The following NCKAP5 variants were observed in gnomAD, a reference collection of about 807,000 sequenced individuals.
NCKAP5 encodes nck-associated protein 5.
A neutral mutation model predicts 167.0 loss-of-function variants in NCKAP5; 92 were observed. The observed-to-expected ratio is 0.55, with a 90% CI of 0.47 to 0.66. The LOEUF (loss-of-function observed/expected upper bound fraction) is 0.66. Among genes scored for constraint, NCKAP5 ranks in the 30% least tolerant of loss-of-function variants. NCKAP5 has a pLI of 0.00. For missense variants in NCKAP5, 2,378 were observed against 2,315.0 expected (o/e 1.03, Z -0.56); for synonymous variants, 891 against 877.4 (o/e 1.02, Z -0.27).
intron 19 of NCKAP5, among the ~76,000 whole-genome samples, chr2:132,692,941 C>T (rs1358029008): frequency 6.6e-6 from 1 of 152,176 alleles, no homozygotes; most frequent in East Asian, 1.9e-4. Context: ...CAGACTGTGT[C>T]TATAGCCCTT....
chr2:133,587,494 T>C, the NCKAP5 span, among the ~76,000 whole-genome samples: 2 of 152,202 alleles, frequency 1.3e-5, no homozygotes, highest in East Asian at 1.9e-4. Flanking sequence ...GGGAAAAGCA[T>C]TGATGCAGAT....
At chr2:133,090,202 A>G (rs2081125371) in intron 6 of NCKAP5, among the ~76,000 whole-genome samples, 1 of 141,384 alleles carries the variant, frequency 7.1e-6, no homozygotes, top group African/African-American at 2.7e-5. Flanking sequence ...CCTTGTCCAT[A>G]CAAGAAAATT....
At chr2:132,741,406 C>T (rs757207094) in intron 16 of NCKAP5, among the ~76,000 whole-genome samples, 18 of 152,070 alleles carry the variant, frequency 1.2e-4, no homozygotes, top group Non-Finnish European at 1.8e-4. Context: ...TACTGTGATA[C>T]GTAAGAGTGG....
rs192182294 is a variant in NCKAP5, at chr2:132,990,194, A to G, written c.429+3958T>C. 5.9e-5 allele frequency among the ~76,000 whole-genome samples: 9 copies of G among 152,330 alleles called. No homozygotes were observed. The East Asian group carries it at 1.7e-3, about 29-fold the overall frequency. On this transcript the variant is annotated intron_variant, in intron 7 of 19. Transcript: ENST00000409261. ...TATTAAAAATAAGCCTGAGTTAGGAAGCAGAGTCTCCAAGGAGAACAGTGG... is the reference window on the plus strand; with the variant it reads ...TATTAAAAATAAGCCTGAGTTAGGAGGCAGAGTCTCCAAGGAGAACAGTGG...
At chr2:133,257,638 G>A (rs80226737) in intron 4 of NCKAP5, among the ~76,000 whole-genome samples, 3,888 of 152,168 alleles carry the variant, frequency 0.026, 144 homozygotes, top group African/African-American at 0.084. Flanking sequence ...TCATTATTCC[G>A]TGTAATCTCA....
At chr2:133,101,237 G>C (rs1202719532) in intron 6 of NCKAP5, among the ~76,000 whole-genome samples, 1 of 142,630 alleles carries the variant, frequency 7.0e-6, no homozygotes, top group South Asian at 2.3e-4. Flanking sequence ...ATTTCTGAGG[G>C]CTCTGTTCTG....
intron 11 of NCKAP5, among the ~76,000 whole-genome samples, chr2:132,817,149 C>T (rs1156922886): frequency 1.3e-5 from 2 of 152,196 alleles, no homozygotes; most frequent in Non-Finnish European, 1.5e-5. Flanking sequence ...TGCTGCTGGT[C>T]CACTGAGTGA....
chr2:132,900,981 A>G (rs957250888), intron 8 of NCKAP5, among the ~76,000 whole-genome samples: 6 of 150,808 alleles, frequency 4.0e-5, no homozygotes, highest in Admixed American at 6.6e-5. Context: ...AAAAAAGAAA[A>G]AAAAAAAAAA....
chr2:132,771,930 ATCCACCTGCCTTGGCC>A, intron 16 of NCKAP5, among the ~76,000 whole-genome samples: 1 of 143,960 alleles, frequency 6.9e-6, no homozygotes, highest in South Asian at 2.2e-4. Flanking sequence ...TGACCTCGTG[ATCCACCTGCCTTGGCC>A]TCCCAAAGTG....
the NCKAP5 span, among the ~76,000 whole-genome samples, chr2:133,580,287 T>G: frequency 5.3e-5 from 8 of 152,196 alleles, no homozygotes; most frequent in Non-Finnish European, 8.8e-5. Context: ...AAATAAATTT[T>G]TTAAAAATCC....
chr2:133,418,238 T>C (rs1689246958), intron 3 of NCKAP5, among the ~76,000 whole-genome samples: 1 of 152,222 alleles, frequency 6.6e-6, no homozygotes, highest in African/African-American at 2.4e-5. Context: ...GGCTAAGTGA[T>C]TGACAAGTAC....
intron 3 of NCKAP5, among the ~76,000 whole-genome samples, chr2:133,310,184 A>C (rs1449018195): frequency 6.6e-6 from 1 of 152,218 alleles, no homozygotes; most frequent in Non-Finnish European, 1.5e-5. Context: ...TATACAGACA[A>C]GGTAATAAAT....
At chr2:133,477,505 C>A (rs1265610911) in intron 3 of NCKAP5, among the ~76,000 whole-genome samples, 1 of 152,170 alleles carries the variant, frequency 6.6e-6, no homozygotes, top group Non-Finnish European at 1.5e-5. Flanking sequence ...GTTCCAAGAC[C>A]TTCAGTGGAT....
intron 3 of NCKAP5, among the ~76,000 whole-genome samples, chr2:133,382,763 A>G (rs1381089548): frequency 1.3e-5 from 2 of 152,110 alleles, no homozygotes; most frequent in Admixed American, 1.3e-4. Flanking sequence ...TTAGACATTC[A>G]TTGGGGCATT....
intron 5 of NCKAP5, among the ~76,000 whole-genome samples, chr2:133,148,910 C>T (rs544636720): frequency 2.6e-5 from 4 of 152,286 alleles, no homozygotes; most frequent in Admixed American, 6.5e-5. Flanking sequence ...ATAACAATTG[C>T]TCAGAATTGA....
At chr2:132,813,455 G>A (rs778880348) in intron 11 of NCKAP5, among the ~76,000 whole-genome samples, 6 of 152,178 alleles carry the variant, frequency 3.9e-5, no homozygotes, top group Non-Finnish European at 7.3e-5. Flanking sequence ...CATTCACACA[G>A]CTTTTATGCC....
chr2:132,934,858 T>A (rs528548413), intron 8 of NCKAP5, among the ~76,000 whole-genome samples: 1 of 152,246 alleles, frequency 6.6e-6, no homozygotes. Flanking sequence ...CTACACAACA[T>A]CCATTTCACC....
At chr2:133,347,176 C>G (rs1168569809) in intron 3 of NCKAP5, among the ~76,000 whole-genome samples, 2 of 152,116 alleles carry the variant, frequency 1.3e-5, no homozygotes, top group African/African-American at 2.4e-5. Context: ...ATTTTTTTCT[C>G]TTTATTCTTT....
chr2:132,918,288 C>T (rs1695039474), intron 8 of NCKAP5, among the ~76,000 whole-genome samples: 1 of 152,124 alleles, frequency 6.6e-6, no homozygotes, highest in Non-Finnish European at 1.5e-5. Flanking sequence ...AGGTAGTACT[C>T]AAAGCAATTT....
Sources: allele counts gnomAD v4.1 joint callset (sites outside exome capture counted in the v4.1 genomes callset), GRCh38; gene constraint gnomAD v4.1.1; transcripts MANE v1.5; gene names NCBI Gene and HGNC (gene_info 2026-07-23, HGNC 2026-07-21).